HYPK: variants seen among roughly 807,000 people sequenced by gnomAD.
HYPK encodes huntingtin interacting protein K.
In HYPK, 9 loss-of-function variants were observed where a neutral mutation model predicts 13.9. The observed-to-expected ratio is 0.65, with a 90% CI of 0.39 to 1.13. The LOEUF (loss-of-function observed/expected upper bound fraction) is 1.13, where lower values mean the gene tolerates loss of function less well. Ranked by LOEUF, HYPK falls within the 50% of genes most tolerant of loss-of-function variation. HYPK has a pLI of 0.01. For synonymous variants in HYPK, 76 were observed against 57.0 expected (o/e 1.33, Z -1.50); for missense variants, 138 against 157.6 (o/e 0.88, Z 0.67).
Position 43,803,912 on chromosome 15 carries a change from T to G in HYPK, c.*2106T>G, listed in dbSNP as rs1276047133. Among the ~76,000 whole-genome samples, 1 of 151,768 alleles carries G rather than the reference T, an allele frequency of 6.6e-6. No homozygotes were observed. The highest frequency in any genetic ancestry group is 1.5e-5 in the Non-Finnish European group (1 of 67,970). On this transcript the variant is annotated 3_prime_UTR_variant, in exon 4 of 4. Coordinates refer to ENST00000442995, the MANE Select transcript of HYPK (RefSeq NM_016400.4). The stretch of plus-strand genomic sequence containing the variant: ...CTCAACGCCTGTAATCTCAGCACTT[T>G]GGGAGGCTGAGGCGGGCGGATCGCG...
chr15:43,800,583 G>T (rs754120443), upstream of HYPK: 4 of 1,613,100 alleles, frequency 2.5e-6, no homozygotes, highest in Admixed American at 5.0e-5. Flanking sequence ...CCGGAAGTCG[G>T]CGTGAGGTGG....
Position 43,800,606 on chromosome 15 carries a change from G to T in HYPK, c.-17G>T, listed in dbSNP as rs781118026. On this transcript the variant is annotated 5_prime_UTR_variant, in exon 1 of 4. Coordinates refer to ENST00000442995, the MANE Select transcript of HYPK (RefSeq NM_016400.4). ...CGGCGTGAGGTGGGGCTTATGCGGC[G>T]GCGTGGTGAAATAGATATGGCGACC... 2 of 1,613,912 alleles carry T rather than the reference G, an allele frequency of 1.2e-6. No individual in the cohort carries two copies. Among genetic ancestry groups the T allele is most frequent in the South Asian group, 1.1e-5 (1 of 91,060 alleles).
At position 43,801,548 on chromosome 15, in the gene HYPK, G is replaced by A; in HGVS notation, c.249G>A (p.Lys83=). 6.2e-7 allele frequency: 1 copy of A among 1,614,042 alleles called. No individual in the cohort carries two copies. Among genetic ancestry groups the A allele is most frequent in the Non-Finnish European group, 8.5e-7 (1 of 1,179,876 alleles). ...REKELAKVTI[K]KEDLELIMTE... Reference sequence around the variant, plus strand: ...AAGAACTGGCAAAAGTCACTATCAAGAAGGAAGATCTGGAGCTAATAGTGA... The same window carrying A: ...AAGAACTGGCAAAAGTCACTATCAAAAAGGAAGATCTGGAGCTAATAGTGA... The change falls in exon 3 of 4, where the codon AAG becomes AAA. Residue 83 remains lysine (K), a synonymous_variant. Transcript: ENST00000442995.
At position 43,802,105 on chromosome 15, in the gene HYPK, T is replaced by C. The variant is rs1334209988; in HGVS notation, c.*299T>C. The C allele has an allele frequency of 5.4e-6, 2 of 371,362 alleles. No individual in the cohort carries two copies. Among genetic ancestry groups the C allele is most frequent in the Non-Finnish European group, 1.0e-5 (2 of 200,750 alleles). The allele number at this position is 371,362 out of a possible 1,614,324, so 23.0% of individuals were successfully genotyped here. On this transcript the variant is annotated 3_prime_UTR_variant, in exon 4 of 4. Coordinates refer to ENST00000442995, the MANE Select transcript of HYPK (RefSeq NM_016400.4). ...ATCTGGAGTCTCAGCAGAGTTACTGTACTCAAATGGCATGTGTCTCCAAGA... is the reference window on the plus strand; with the variant it reads ...ATCTGGAGTCTCAGCAGAGTTACTGCACTCAAATGGCATGTGTCTCCAAGA...
rs553722709 is a variant in HYPK at position 43,802,389 on chromosome 15, C to A, written c.*583C>A. 6.7e-6 allele frequency: 1 copy of A among 149,298 alleles called. No homozygotes were observed. Among genetic ancestry groups the A allele is most frequent in the Admixed American group, 6.6e-5 (1 of 15,064 alleles). The allele number at this position is 149,298 out of a possible 1,614,324, so 9.2% of individuals were successfully genotyped here. ...AGACCAGCCTGGCCAACATGTGAAACCCCGTCTCCACTGAAAATAGAAAAA... is the reference window on the plus strand; with the variant it reads ...AGACCAGCCTGGCCAACATGTGAAAACCCGTCTCCACTGAAAATAGAAAAA... On this transcript the variant is annotated 3_prime_UTR_variant, in exon 4 of 4. Coordinates refer to ENST00000442995, the MANE Select transcript of HYPK (RefSeq NM_016400.4).
intron 1 of HYPK, 134 bp downstream of exon 1, chr15:43,800,918 A>C (rs2087305531): frequency 1.0e-6 from 1 of 994,142 alleles, no homozygotes; most frequent in African/African-American, 1.6e-5. Flanking sequence ...GAGCCGAGGG[A>C]AACAGCGGTC....
In HYPK at chr15:43,801,288, A is replaced by G. The variant is rs767409061; in HGVS notation, c.218+101A>G. 2.1e-5 allele frequency: 23 copies of G among 1,103,312 alleles called. No individual in the cohort carries two copies. The Admixed American group carries it at 4.0e-4, about 19-fold the overall frequency. 68.3% of individuals were successfully genotyped at this position (1,103,312 alleles called of 1,614,324 possible). Reference sequence around the variant, plus strand: ...AGCCTTTATACCGTTCTTCAAATTTATCACCAATTCCTGCAGATCTAGGCG... The same window carrying G: ...AGCCTTTATACCGTTCTTCAAATTTGTCACCAATTCCTGCAGATCTAGGCG... On this transcript the variant is annotated intron_variant, in intron 2 of 3. Coordinates refer to ENST00000442995, the MANE Select transcript of HYPK (RefSeq NM_016400.4).
rs1001935656 is a variant in HYPK at position 43,803,205 on chromosome 15, A to G, written c.*1399A>G. ...GGATTTCCAGACCAGCCTGGGCAAC[A>G]TAGCATGACCTTGTCTCTACTAAAA... On this transcript the variant is annotated 3_prime_UTR_variant, in exon 4 of 4. Coordinates refer to ENST00000442995, the MANE Select transcript of HYPK (RefSeq NM_016400.4). Among the ~76,000 whole-genome samples the G allele has an allele frequency of 2.0e-5, 3 of 147,854 alleles. No individual in the cohort carries two copies. Among genetic ancestry groups the G allele is most frequent in the African/African-American group, 7.5e-5 (3 of 39,910 alleles).
chr15:43,802,007 T>C lies in HYPK; in HGVS notation c.*201T>C, dbSNP rs781612432. On this transcript the variant is annotated 3_prime_UTR_variant, in exon 4 of 4. Coordinates refer to ENST00000442995, the MANE Select transcript of HYPK (RefSeq NM_016400.4). ...TGTATGAAAAATCAGTGTAGAAGAA[T>C]ACCTCATGTGCAGATGCTAGGTGGC... The C allele has an allele frequency of 1.7e-6, 1 of 582,952 alleles. No homozygotes were observed. The highest frequency in any genetic ancestry group is 3.0e-6 in the Non-Finnish European group (1 of 328,602). The allele number at this position is 582,952 out of a possible 1,614,324, so 36.1% of individuals were successfully genotyped here. A position where few individuals can be genotyped will look rare whatever the true frequency, so the allele number is the denominator to read the frequency against.
Position 43,800,666 on chromosome 15 carries a change from C to G in HYPK, c.44C>G (p.Thr15Ser). 1 of 1,614,050 alleles carries G rather than the reference C, an allele frequency of 6.2e-7. No individual in the cohort carries two copies. Among genetic ancestry groups the G allele is most frequent in the African/African-American group, 1.3e-5 (1 of 75,006 alleles). ...GTGGAGCTGGAGTTGGAGACTGAGACCAGTGGACCAGAGCGGCCTCCGGAG... is the reference window on the plus strand; with the variant it reads ...GTGGAGCTGGAGTTGGAGACTGAGAGCAGTGGACCAGAGCGGCCTCCGGAG... The part of the protein sequence containing the change: ...GDVELELETE[T>S]SGPERPPEKP... Residue 15 changes from threonine to serine, a missense_variant, in exon 1 of 4, where the codon ACC becomes AGC. Thr to Ser is a moderately conservative substitution (Grantham distance 58). Around this residue, in one of 3 missense-constraint regions of HYPK, gnomAD observed 43 missense variants for 30.4 expected, o/e 1.41. Coordinates refer to ENST00000442995, the MANE Select transcript of HYPK (RefSeq NM_016400.4).
In HYPK at chr15:43,802,591, A is replaced by AAAAAAAAAAAAAAAG. The variant is rs1350634034; in HGVS notation, c.*785_*786insAAAAAAAAAAAAAAG. 2 of 134,552 alleles carry AAAAAAAAAAAAAAAG rather than the reference A, an allele frequency of 1.5e-5. No individual in the cohort carries two copies. The highest frequency in any genetic ancestry group is 5.8e-5 in the African/African-American group (2 of 34,432). The allele number at this position is 134,552 out of a possible 1,614,324, so 8.3% of individuals were successfully genotyped here. A position where few individuals can be genotyped will look rare whatever the true frequency, so the allele number is the denominator to read the frequency against. On this transcript the variant is annotated 3_prime_UTR_variant, in exon 4 of 4. Coordinates refer to ENST00000442995, the MANE Select transcript of HYPK (RefSeq NM_016400.4). ...TCTCAAAAAAAAAAAAAAAAAAAAA[A>AAAAAAAAAAAAAAAG]GCCCGGGCACAGTGGCTCACACCTG...
Position 43,801,623 on chromosome 15 carries a change from T to C in HYPK, c.270+54T>C, listed in dbSNP as rs772424435. The C allele has an allele frequency of 2.5e-6, 4 of 1,607,570 alleles. No individual in the cohort carries two copies. The South Asian group carries it at 3.3e-5, about 13-fold the overall frequency. ...CGGAGGGGAGGCTATTCTGCTTAAT[T>C]TGGGTTGTTTCCTGAAACAAGCGGA... is the stretch of plus-strand genomic sequence containing the variant. On this transcript the variant is annotated intron_variant, in intron 3 of 3. Transcript: ENST00000442995.
chr15:43,801,640 A>G (rs2087317410), intron 3 of HYPK, 71 bp downstream of exon 3: 2 of 1,608,792 alleles, frequency 1.2e-6, no homozygotes, highest in African/African-American at 1.3e-5. Flanking sequence ...GTTTCCTGAA[A>G]CAAGCGGAGT....
At position 43,801,898 on chromosome 15, in the gene HYPK, A is replaced by T; in HGVS notation, c.*92A>T. 1.1e-6 allele frequency: 1 copy of T among 945,478 alleles called. No individual in the cohort carries two copies. Among genetic ancestry groups the T allele is most frequent in the Non-Finnish European group, 1.7e-6 (1 of 591,414 alleles). The allele number at this position is 945,478 out of a possible 1,614,324, so 58.6% of individuals were successfully genotyped here. A position where few individuals can be genotyped will look rare whatever the true frequency, so the allele number is the denominator to read the frequency against. Reference sequence around the variant, plus strand: ...AGTTTTATCATCTTGGGTCAAGTAGAGTGTATACTATATCCTATGTTGTGG... The same window carrying T: ...AGTTTTATCATCTTGGGTCAAGTAGTGTGTATACTATATCCTATGTTGTGG... On this transcript the variant is annotated 3_prime_UTR_variant, in exon 4 of 4. Transcript: ENST00000442995.
chr15:43,801,278 C>A, intron 2 of HYPK, 91 bp downstream of exon 2: 2 of 1,182,234 alleles, frequency 1.7e-6, no homozygotes, highest in Non-Finnish European at 2.5e-6. Flanking sequence ...TTATACCGTT[C>A]TTCAAATTTA....
Position 43,802,091 on chromosome 15 carries a change from C to T in HYPK, c.*285C>T. On this transcript the variant is annotated 3_prime_UTR_variant, in exon 4 of 4. Transcript: ENST00000442995. Reference sequence around the variant, plus strand: ...AGTATTCAAGGTACATCTGGAGTCTCAGCAGAGTTACTGTACTCAAATGGC... The same window carrying T: ...AGTATTCAAGGTACATCTGGAGTCTTAGCAGAGTTACTGTACTCAAATGGC... 2.4e-6 allele frequency: 1 copy of T among 408,944 alleles called. No individual in the cohort carries two copies. The highest frequency in any genetic ancestry group is 4.5e-6 in the Non-Finnish European group (1 of 223,006). 25.3% of individuals were successfully genotyped at this position (408,944 alleles called of 1,614,324 possible). A position where few individuals can be genotyped will look rare whatever the true frequency, so the allele number is the denominator to read the frequency against.
At position 43,802,548 on chromosome 15, in the gene HYPK, G is replaced by GGAAA. The variant is rs2087329394; in HGVS notation, c.*745_*748dup. 1 of 126,570 alleles carries GGAAA rather than the reference G, an allele frequency of 7.9e-6. No homozygotes were observed. The highest frequency in any genetic ancestry group is 8.9e-5 in the Admixed American group (1 of 11,240). 7.8% of individuals were successfully genotyped at this position (126,570 alleles called of 1,614,324 possible). On this transcript the variant is annotated 3_prime_UTR_variant, in exon 4 of 4. Transcript: ENST00000442995. The stretch of plus-strand genomic sequence containing the variant: ...CTGTACTACTGTACTCCAGCCTGGG[G>GGAAA]GAAAGAGTGAAACTCCATCTCAAAA...
In HYPK at chr15:43,801,789, A is replaced by G. The variant is rs1422949138; in HGVS notation, c.349A>G (p.Ile117Val). 6.2e-7 allele frequency: 1 copy of G among 1,614,218 alleles called. No individual in the cohort carries two copies. The highest frequency in any genetic ancestry group is 8.5e-7 in the Non-Finnish European group (1 of 1,180,012). ...CATGGGCAACGTGGTAGAGGCGCTT[A>G]TTGCCCTAACCAACTGATGCGTGCT... The part of the protein sequence containing the change: ...EHMGNVVEAL[I>V]ALTN The change falls in exon 4 of 4, where the codon ATT (isoleucine) becomes GTT (valine). Residue 117 changes from isoleucine (I) to valine (V), a missense_variant. Physicochemically the swap from Ile to Val is conservative, Grantham distance 29. Coordinates refer to ENST00000442995, the MANE Select transcript of HYPK (RefSeq NM_016400.4).
chr15:43,802,005 A>AAT lies in HYPK; in HGVS notation c.*201_*202dup. On this transcript the variant is annotated 3_prime_UTR_variant, in exon 4 of 4. Transcript: ENST00000442995. ...CCTGTATGAAAAATCAGTGTAGAAGAATACCTCATGTGCAGATGCTAGGTG... is the reference window on the plus strand; with the variant it reads ...CCTGTATGAAAAATCAGTGTAGAAGAATATACCTCATGTGCAGATGCTAGGTG... 1 of 586,848 alleles carries AAT rather than the reference A, an allele frequency of 1.7e-6. No individual in the cohort carries two copies. Among genetic ancestry groups the AAT allele is most frequent in the South Asian group, 2.1e-5 (1 of 48,498 alleles). The allele number at this position is 586,848 out of a possible 1,614,324, so 36.4% of individuals were successfully genotyped here.
Sources: allele counts gnomAD v4.1 joint callset (sites outside exome capture counted in the v4.1 genomes callset), GRCh38; gene constraint gnomAD v4.1.1; regional missense constraint gnomAD v4.1.1; transcripts MANE v1.5; gene names NCBI Gene and HGNC (gene_info 2026-07-23, HGNC 2026-07-21).